ADK: variants seen among roughly 807,000 people sequenced by gnomAD.
ADK encodes adenosine kinase.
ADK carries 24 observed loss-of-function variants against 44.7 expected under a neutral mutation model. That is an observed-to-expected ratio of 0.54 (90% CI 0.39 to 0.76). The LOEUF is 0.76. Ranked by LOEUF, ADK falls within the 30% of genes least tolerant of loss-of-function variation. The pLI, the probability that ADK is intolerant of heterozygous loss-of-function variation, is 0.00. For synonymous variants in ADK, 128 were observed against 142.6 expected (o/e 0.90, Z 0.73); for missense variants, 321 against 425.1 (o/e 0.76, Z 2.15).
intron 7 of ADK, chr10:74,527,605 G>A (rs1007651974): frequency 2.6e-6 from 2 of 776,278 alleles, no homozygotes; most frequent in African/African-American, 1.7e-5. Context: ...TGCCTTTGCC[G>A]GTGCAGTGAG....
At chr10:74,388,780 C>T (rs973608864) in intron 4 of ADK, among the ~76,000 whole-genome samples, 1 of 152,096 alleles carries the variant, frequency 6.6e-6, no homozygotes, top group Admixed American at 6.5e-5. Flanking sequence ...ACATATATTC[C>T]TTAAACATGC....
At chr10:74,696,972 A>G (rs926320048) in intron 10 of ADK, among the ~76,000 whole-genome samples, 13 of 152,328 alleles carry the variant, frequency 8.5e-5, no homozygotes, top group African/African-American at 3.1e-4. Flanking sequence ...TTTTCAATGC[A>G]TAAACATTTG....
chr10:74,559,717 C>A (rs1298073804), intron 7 of ADK, among the ~76,000 whole-genome samples: 1 of 152,124 alleles, frequency 6.6e-6, no homozygotes, highest in African/African-American at 2.4e-5. Context: ...TTTCAATTTG[C>A]AGTTTTAGAG....
At chr10:74,324,631 G>C (rs11000995) in intron 4 of ADK, among the ~76,000 whole-genome samples, 98,033 of 151,924 alleles carry the variant, frequency 0.65, 32,926 homozygotes, top group Middle Eastern at 0.79. Context: ...TATATATATC[G>C]CATTTTATTT....
rs1000718657 is a variant in ADK at position 74,232,603 on chromosome 10, A to G, written c.194+8012A>G. On this transcript the variant is annotated intron_variant, in intron 3 of 10. Coordinates refer to ENST00000539909, the MANE Select transcript of ADK (RefSeq NM_006721.4). ...AAATAATTAACACTGTCATCAAGGA[A>G]GGTAACTCATTATAAGGATTTAAAA... is the stretch of plus-strand genomic sequence containing the variant. Among the ~76,000 whole-genome samples, 3 of 142,650 alleles carry G rather than the reference A, an allele frequency of 2.1e-5. No individual in the cohort carries two copies. In the Admixed American group the frequency reaches 2.2e-4, roughly 10 times the overall value. 93.6% of individuals were successfully genotyped at this position (142,650 alleles called of 152,430 possible). A position where few individuals can be genotyped will look rare whatever the true frequency, so the allele number is the denominator to read the frequency against.
At chr10:74,355,859 A>G (rs1334835668) in intron 4 of ADK, among the ~76,000 whole-genome samples, 1 of 152,104 alleles carries the variant, frequency 6.6e-6, no homozygotes, top group Non-Finnish European at 1.5e-5. Flanking sequence ...GCATAGTGCT[A>G]CTTATCCATG....
chr10:74,457,493 A>G (rs1272952770), intron 6 of ADK, among the ~76,000 whole-genome samples: 3 of 152,168 alleles, frequency 2.0e-5, no homozygotes, highest in African/African-American at 7.2e-5. Context: ...CAGAAATACC[A>G]TTTGGCCCAG....
intron 1 of ADK, among the ~76,000 whole-genome samples, chr10:74,192,789 G>C (rs887384022): frequency 3.3e-5 from 5 of 152,198 alleles, no homozygotes; most frequent in Non-Finnish European, 7.3e-5. Context: ...GCCTCCCAAA[G>C]TGCTGGGATT....
chr10:74,459,727 C>CAAAAAAAAAAAAAAAAAAAAA, intron 6 of ADK, among the ~76,000 whole-genome samples: 1 of 42,800 alleles, frequency 2.3e-5, no homozygotes, highest in Non-Finnish European at 5.1e-5. Flanking sequence ...GACTCCATCT[C>CAAAAAAAAAAAAAAAAAAAAA]AAAAAAAAAA....
intron 3 of ADK, among the ~76,000 whole-genome samples, chr10:74,231,397 C>G (rs1844757312): frequency 6.6e-6 from 1 of 152,072 alleles, no homozygotes; most frequent in Non-Finnish European, 1.5e-5. Context: ...ACATCAGCCT[C>G]TTTCTATGTA....
At chr10:74,649,298 A>C (rs1854168893) in intron 9 of ADK, among the ~76,000 whole-genome samples, 1 of 152,182 alleles carries the variant, frequency 6.6e-6, no homozygotes, top group East Asian at 1.9e-4. Context: ...GATTATTAGA[A>C]AATACACTTA....
chr10:74,176,776 C>G (rs1842355319), intron 1 of ADK: 2 of 1,580,218 alleles, frequency 1.3e-6, no homozygotes, highest in Admixed American at 1.7e-5. Context: ...CGCTGAGTGC[C>G]TGAGCCGGGA....
chr10:74,177,944 TA>T (rs1400746742), intron 1 of ADK, among the ~76,000 whole-genome samples: 9,279 of 86,572 alleles, frequency 0.11, 388 homozygotes, highest in Middle Eastern at 0.18. Flanking sequence ...TATATATATA[TA>T]TTTTTTTTTT....
At chr10:74,357,482 T>A (rs1305178172) in intron 4 of ADK, among the ~76,000 whole-genome samples, 1 of 125,734 alleles carries the variant, frequency 8.0e-6, no homozygotes, top group South Asian at 2.5e-4. Context: ...TTTTTTTTTT[T>A]AAGAGACAGG....
Position 74,574,270 on chromosome 10 carries a change from A to G in ADK, c.727-15012A>G, listed in dbSNP as rs1851095049. The stretch of plus-strand genomic sequence containing the variant: ...CAACCTCCATCCACCTCCGACATTG[A>G]AGCGATTCTCCTGCCTCAGCCTCCC... On this transcript the variant is annotated intron_variant, in intron 7 of 10. Coordinates refer to ENST00000539909, the MANE Select transcript of ADK (RefSeq NM_006721.4). 2.0e-5 allele frequency among the ~76,000 whole-genome samples: 3 copies of G among 150,934 alleles called. No homozygotes were observed. The South Asian group carries it at 6.3e-4, about 32-fold the overall frequency.
In ADK at chr10:74,600,468, G is replaced by C; in HGVS notation, c.852G>C (p.Gly284=). Residue 284 remains glycine (G), a synonymous_variant, in exon 9 of 11, where the codon GGG becomes GGC. Transcript: ENST00000539909. Reference sequence around the variant, plus strand: ...AGCGAATCGTGATCTTCACCCAAGGGAGAGATGACACTATAATGGCTACAG... The same window carrying C: ...AGCGAATCGTGATCTTCACCCAAGGCAGAGATGACACTATAATGGCTACAG... ...KRQRIVIFTQ[G]RDDTIMATES... is the part of the protein sequence containing the mutation. The C allele has an allele frequency of 6.2e-7, 1 of 1,610,478 alleles. No individual in the cohort carries two copies. The highest frequency in any genetic ancestry group is 1.1e-5 in the South Asian group (1 of 90,782).
chr10:74,652,812 ATATTTAACAG>A lies in ADK; in HGVS notation c.878-17369_878-17360del, dbSNP rs200410109. On this transcript the variant is annotated intron_variant, in intron 9 of 10. Coordinates refer to ENST00000539909, the MANE Select transcript of ADK (RefSeq NM_006721.4). ...AAGATGGAACCCAGTATGCTAGTAT[ATATTTAACAG>A]TCAGCTCATAGCAAACCAAGCCCTA... 2.6e-4 allele frequency among the ~76,000 whole-genome samples: 40 copies of A among 152,134 alleles called. No homozygotes were observed. The East Asian group carries it at 7.3e-3, about 28-fold the overall frequency.
At chr10:74,644,933 C>T (rs1212080037) in intron 9 of ADK, among the ~76,000 whole-genome samples, 3 of 152,142 alleles carry the variant, frequency 2.0e-5, no homozygotes, top group Non-Finnish European at 2.9e-5. Flanking sequence ...CTTTAGCCCA[C>T]GTCTTATCCA....
intron 7 of ADK, among the ~76,000 whole-genome samples, chr10:74,583,883 C>A (rs979979541): frequency 6.6e-6 from 1 of 152,126 alleles, no homozygotes; most frequent in Non-Finnish European, 1.5e-5. Context: ...GATCTTCTTC[C>A]AAGCCCACTC....
Sources: allele counts gnomAD v4.1 joint callset (sites outside exome capture counted in the v4.1 genomes callset), GRCh38; gene constraint gnomAD v4.1.1; transcripts MANE v1.5; gene names NCBI Gene and HGNC (gene_info 2026-07-23, HGNC 2026-07-21).